MTUS2: variants seen among roughly 807,000 people sequenced by gnomAD.
The protein encoded by MTUS2 is microtubule-associated tumor suppressor candidate 2.
Under a neutral mutation model 114.1 loss-of-function variants are expected in MTUS2, and 40 were observed. That is an observed-to-expected ratio of 0.35 (90% CI 0.27 to 0.46). The LOEUF is 0.46. Ranked by LOEUF, MTUS2 falls within the 20% of genes least tolerant of loss-of-function variation. MTUS2 has a pLI of 1.00. For synonymous variants in MTUS2, 688 were observed against 672.0 expected (o/e 1.02, Z -0.37); for missense variants, 1,679 against 1,705.4 (o/e 0.98, Z 0.27).
At chr13:28,876,298 T>C (rs1256375187) in intron 2 of MTUS2, among the ~76,000 whole-genome samples, 4 of 152,192 alleles carry the variant, frequency 2.6e-5, no homozygotes, top group Non-Finnish European at 4.4e-5. Context: ...ATGTATAACC[T>C]TCAGAGGTTG....
chr13:29,345,819 G>T (rs982769916), intron 7 of MTUS2, among the ~76,000 whole-genome samples: 6 of 152,180 alleles, frequency 3.9e-5, no homozygotes, highest in Non-Finnish European at 2.9e-5. Flanking sequence ...AAGGGCTATT[G>T]TTCAGATTCT....
At chr13:29,248,430 T>A (rs957974224) in intron 5 of MTUS2, among the ~76,000 whole-genome samples, 3 of 152,220 alleles carry the variant, frequency 2.0e-5, no homozygotes, top group African/African-American at 7.2e-5. Flanking sequence ...AAGTATACGA[T>A]ACCCTGTAAT....
intron 4 of MTUS2, among the ~76,000 whole-genome samples, chr13:29,094,479 G>A (rs1245565975): frequency 6.6e-6 from 1 of 151,936 alleles, no homozygotes; most frequent in East Asian, 1.9e-4. Context: ...TTGAGATGCA[G>A]TTGTTCATAG....
intron 2 of MTUS2, among the ~76,000 whole-genome samples, chr13:28,989,447 T>A (rs1040657066): frequency 5.9e-5 from 9 of 152,162 alleles, no homozygotes; most frequent in Admixed American, 4.6e-4. Flanking sequence ...ATTAACAAAG[T>A]CCCTTGCCAG....
rs753979155 is a variant in MTUS2 at position 29,501,165 on chromosome 13, A to G, written c.3867A>G (p.Ala1289=). The G allele has an allele frequency of 5.0e-6, 8 of 1,614,076 alleles. No individual in the cohort carries two copies. Among genetic ancestry groups the G allele is most frequent in the Non-Finnish European group, 6.8e-6 (8 of 1,180,006 alleles). ...AACAGCAGAACGAAGACCTCAAAGC[A>G]AGGATTGACCAAAACACAGTTGTCA... is the stretch of plus-strand genomic sequence containing the variant. The part of the protein sequence containing the change: ...VLQQQNEDLK[A]RIDQNTVVTR... Residue 1289 remains alanine, a synonymous_variant, in exon 15 of 16, where the codon GCA becomes GCG. Transcript: ENST00000612955.
intron 4 of MTUS2, among the ~76,000 whole-genome samples, chr13:29,036,896 T>C (rs1407770305): frequency 5.9e-5 from 9 of 152,038 alleles, no homozygotes; most frequent in Non-Finnish European, 1.0e-4. Flanking sequence ...TTTGGGCCTA[T>C]GTGTGTCTTT....
At chr13:29,181,453 C>T (rs1894001109) in intron 5 of MTUS2, among the ~76,000 whole-genome samples, 1 of 152,140 alleles carries the variant, frequency 6.6e-6, no homozygotes, top group South Asian at 2.1e-4. Flanking sequence ...AAATAGATTG[C>T]AATTGCAGAA....
intron 5 of MTUS2, among the ~76,000 whole-genome samples, chr13:29,129,893 GT>G (rs1175272055): frequency 6.6e-6 from 1 of 152,102 alleles, no homozygotes; most frequent in Non-Finnish European, 1.5e-5. Flanking sequence ...GTCCATTAAG[GT>G]CAGAACATTG....
chr13:29,496,876 G>A lies in MTUS2; in HGVS notation c.3580-362G>A, dbSNP rs1366878582. Among the ~76,000 whole-genome samples, 1 of 152,108 alleles carries A rather than the reference G, an allele frequency of 6.6e-6. No individual in the cohort carries two copies. The highest frequency in any genetic ancestry group is 1.5e-5 in the Non-Finnish European group (1 of 68,018). On this transcript the variant is annotated intron_variant, in intron 12 of 15. Coordinates refer to ENST00000612955, the MANE Select transcript of MTUS2 (RefSeq NM_001033602.4). The surrounding 1 kb of genome is among the most constrained non-coding windows in gnomAD (Gnocchi z 4.3). ...AATACATCTTTGAAATACATTCATC[G>A]CGGTCCTTCCCAAAGCCAGGGGCTA...
Position 29,493,035 on chromosome 13 carries a change from G to A in MTUS2, c.3579+316G>A, listed in dbSNP as rs9314959. ...AGTATCCAAGGAGTAACTGAGCTATGTTCAAAGCAAGAGGAGGACTGGGGG... is the reference window on the plus strand; with the variant it reads ...AGTATCCAAGGAGTAACTGAGCTATATTCAAAGCAAGAGGAGGACTGGGGG... On this transcript the variant is annotated intron_variant, in intron 12 of 15. Transcript: ENST00000612955. Among the ~76,000 whole-genome samples, 1,077 of 152,346 alleles carry A rather than the reference G, an allele frequency of 7.1e-3. 10 individuals carry two copies. The highest frequency in any genetic ancestry group is 0.027 in the Middle Eastern group (8 of 294).
intron 8 of MTUS2, among the ~76,000 whole-genome samples, chr13:29,432,868 G>T (rs1009778100): frequency 6.6e-6 from 1 of 152,182 alleles, no homozygotes; most frequent in Non-Finnish European, 1.5e-5. Flanking sequence ...CTAAATTCTT[G>T]GCAGGGGTGG....
chr13:29,159,248 C>T (rs983214393), intron 5 of MTUS2, among the ~76,000 whole-genome samples: 7 of 152,172 alleles, frequency 4.6e-5, no homozygotes, highest in South Asian at 2.1e-4. Flanking sequence ...TTGAAAGACA[C>T]GTACTAAAAT....
intron 9 of MTUS2, among the ~76,000 whole-genome samples, chr13:29,466,876 C>CAAAAAAAAAAAAAAAAAAAAAAAAAAA: frequency 1.1e-5 from 1 of 87,626 alleles, no homozygotes; most frequent in Non-Finnish European, 2.3e-5. Flanking sequence ...GACCTCATCT[C>CAAAAAAAAAAAAAAAAAAAAAAAAAAA]AAAAAAAAAA....
At chr13:29,483,449 G>A (rs1390061547) in intron 10 of MTUS2, among the ~76,000 whole-genome samples, 1 of 151,794 alleles carries the variant, frequency 6.6e-6, no homozygotes, top group Non-Finnish European at 1.5e-5. Flanking sequence ...GGCTACACAG[G>A]TGGGTCACTT....
intron 5 of MTUS2, among the ~76,000 whole-genome samples, chr13:29,219,987 TG>T (rs756614761): frequency 2.2e-4 from 34 of 151,360 alleles, no homozygotes; most frequent in South Asian, 6.3e-4. Context: ...ATGTGTTCAC[TG>T]GAACAGCACT....
chr13:29,202,492 T>C (rs1895001581), intron 5 of MTUS2, among the ~76,000 whole-genome samples: 1 of 152,196 alleles, frequency 6.6e-6, no homozygotes, highest in Admixed American at 6.5e-5. Flanking sequence ...ACACACCTTC[T>C]GAAGCCTCCT....
chr13:29,307,032 C>A, intron 6 of MTUS2: 1 of 524,004 alleles, frequency 1.9e-6, no homozygotes, highest in South Asian at 1.5e-5. Context: ...CCTCCAAAAT[C>A]AAATGGGGTG....
chr13:29,227,273 A>G (rs866310242), intron 5 of MTUS2, among the ~76,000 whole-genome samples: 10 of 146,150 alleles, frequency 6.8e-5, no homozygotes, highest in East Asian at 4.3e-4. Flanking sequence ...AAAAAAAAAA[A>G]AAAGAAACTG....
intron 3 of MTUS2, among the ~76,000 whole-genome samples, chr13:29,028,637 G>A (rs1886674362): frequency 6.6e-6 from 1 of 151,692 alleles, no homozygotes; most frequent in African/African-American, 2.4e-5. Context: ...CCTTGGGAAG[G>A]CCACCCATCT....
Sources: allele counts gnomAD v4.1 joint callset (sites outside exome capture counted in the v4.1 genomes callset), GRCh38; gene constraint gnomAD v4.1.1; non-coding constraint Gnocchi (gnomAD v3.1); transcripts MANE v1.5; gene names NCBI Gene and HGNC (gene_info 2026-07-23, HGNC 2026-07-21).